The following GALNT13 variants were observed in gnomAD, a reference collection of about 807,000 sequenced individuals.
GALNT13 encodes UDP-GalNAc:polypeptide N-acetylgalactosaminyltransferase 13.
In GALNT13, 28 loss-of-function variants were observed where a neutral mutation model predicts 64.2. The observed-to-expected ratio is 0.44, with a 90% CI of 0.32 to 0.60. The LOEUF is 0.60. Among genes scored for constraint, GALNT13 ranks in the 20% least tolerant of loss-of-function variants. GALNT13 has a pLI of 0.05. For synonymous variants in GALNT13, 214 were observed against 224.6 expected (o/e 0.95, Z 0.42); for missense variants, 577 against 669.8 (o/e 0.86, Z 1.53).
chr2:153,822,234 C>G, the GALNT13 span, among the ~76,000 whole-genome samples: 1 of 152,084 alleles, frequency 6.6e-6, no homozygotes, highest in Non-Finnish European at 1.5e-5. Flanking sequence ...ACCCATTCCA[C>G]AAAGCCATCA....
At chr2:154,275,472 G>T (rs1386191154) in intron 8 of GALNT13, among the ~76,000 whole-genome samples, 1 of 152,242 alleles carries the variant, frequency 6.6e-6, no homozygotes, top group Non-Finnish European at 1.5e-5. Context: ...TTGTTTTAGG[G>T]GGTGCAAGCC....
At chr2:154,033,938 C>CA (rs1351350191) in intron 3 of GALNT13, among the ~76,000 whole-genome samples, 1 of 151,780 alleles carries the variant, frequency 6.6e-6, no homozygotes, top group Non-Finnish European at 1.5e-5. Context: ...GACTCCATCT[C>CA]AAAAAAACAA....
the GALNT13 span, among the ~76,000 whole-genome samples, chr2:153,296,166 G>A: frequency 1.3e-5 from 2 of 152,120 alleles, no homozygotes; most frequent in Non-Finnish European, 2.9e-5. Flanking sequence ...ATCCTGATCA[G>A]CATTAAGAAC....
At chr2:153,935,468 G>C (rs1314978598) in intron 2 of GALNT13, among the ~76,000 whole-genome samples, 1 of 152,234 alleles carries the variant, frequency 6.6e-6, no homozygotes, top group Non-Finnish European at 1.5e-5. Flanking sequence ...AAGAGTTGTA[G>C]CCTGGATTGT....
At chr2:153,889,953 T>C (rs1239912086) in intron 1 of GALNT13, among the ~76,000 whole-genome samples, 1 of 151,750 alleles carries the variant, frequency 6.6e-6, no homozygotes, top group Non-Finnish European at 1.5e-5. Context: ...AAATTTAGTT[T>C]TGTGGGTGTG....
At chr2:154,434,384 A>G (rs1407020348) in intron 11 of GALNT13, among the ~76,000 whole-genome samples, 3 of 152,068 alleles carry the variant, frequency 2.0e-5, no homozygotes, top group African/African-American at 4.8e-5. Flanking sequence ...CTCAGCCTCC[A>G]GAGTAGCTGG....
the GALNT13 span, among the ~76,000 whole-genome samples, chr2:153,238,497 T>G: frequency 6.6e-6 from 1 of 152,112 alleles, no homozygotes; most frequent in Non-Finnish European, 1.5e-5. Flanking sequence ...CATTTTGATT[T>G]GAGTTTTATA....
At chr2:154,028,864 C>CA (rs993935072) in intron 3 of GALNT13, among the ~76,000 whole-genome samples, 1 of 151,738 alleles carries the variant, frequency 6.6e-6, no homozygotes, top group Non-Finnish European at 1.5e-5. Context: ...GAACAGCAAG[C>CA]AAAAAAACTA....
At chr2:154,226,334 A>G (rs917784352) in intron 4 of GALNT13, among the ~76,000 whole-genome samples, 1 of 152,106 alleles carries the variant, frequency 6.6e-6, no homozygotes, top group Non-Finnish European at 1.5e-5. Context: ...AACTTCTATG[A>G]TGCACTAAAT....
chr2:153,156,799 G>A, the GALNT13 span, among the ~76,000 whole-genome samples: 2 of 152,146 alleles, frequency 1.3e-5, no homozygotes, highest in African/African-American at 4.8e-5. Context: ...GATTTAAAGA[G>A]CTTTTTGTTT....
At chr2:153,496,193 C>T in the GALNT13 span, among the ~76,000 whole-genome samples, 3 of 152,268 alleles carry the variant, frequency 2.0e-5, no homozygotes, top group Non-Finnish European at 4.4e-5. Flanking sequence ...GCAATATATT[C>T]TTCATAGCAT....
the GALNT13 span, among the ~76,000 whole-genome samples, chr2:153,764,013 G>A: frequency 1.2e-4 from 19 of 152,326 alleles, no homozygotes; most frequent in East Asian, 3.3e-3. Context: ...CTACAGACTT[G>A]TTGAATGCCT....
intron 2 of GALNT13, among the ~76,000 whole-genome samples, chr2:153,939,203 G>A (rs1018646913): frequency 6.6e-6 from 1 of 152,108 alleles, no homozygotes; most frequent in Admixed American, 6.6e-5. Context: ...CATTTGAGCA[G>A]GAAGGAAGGA....
At chr2:153,478,313 C>T in the GALNT13 span, 6 of 1,614,030 alleles carry the variant, frequency 3.7e-6, no homozygotes, top group Non-Finnish European at 5.1e-6. Flanking sequence ...ATCATGCCCT[C>T]GGACTTGATG....
intron 4 of GALNT13, among the ~76,000 whole-genome samples, chr2:154,162,144 T>TA (rs1477540245): frequency 6.6e-6 from 1 of 152,172 alleles, no homozygotes; most frequent in East Asian, 1.9e-4. Flanking sequence ...AAATACTCTA[T>TA]ATCAGAAATA....
At chr2:153,090,442 G>A in the GALNT13 span, among the ~76,000 whole-genome samples, 1 of 152,196 alleles carries the variant, frequency 6.6e-6, no homozygotes, top group Non-Finnish European at 1.5e-5. Flanking sequence ...TAGCAGTGAA[G>A]TTGTCATGTG....
the GALNT13 span, among the ~76,000 whole-genome samples, chr2:153,126,278 G>A: frequency 0.18 from 23,715 of 134,328 alleles, 2,384 homozygotes; most frequent in Non-Finnish European, 0.2. Context: ...GCTAGGCTAA[G>A]CTCACAGTAT....
chr2:153,267,683 C>T, the GALNT13 span, among the ~76,000 whole-genome samples: 1 of 152,196 alleles, frequency 6.6e-6, no homozygotes, highest in Non-Finnish European at 1.5e-5. Flanking sequence ...GGAGAGGATA[C>T]TGTGAAGATC....
At chr2:154,393,378 G>A (rs1481410713) in intron 9 of GALNT13, among the ~76,000 whole-genome samples, 1 of 152,146 alleles carries the variant, frequency 6.6e-6, no homozygotes, top group Non-Finnish European at 1.5e-5. Flanking sequence ...AATCAGAAGT[G>A]ACATAACCCC....
Sources: gnomAD v4.1 joint callset for allele counts (sites outside exome capture counted in the v4.1 genomes callset) on GRCh38, gnomAD v4.1.1 for gene constraint, MANE v1.5 for transcripts, NCBI Gene and HGNC (gene_info 2026-07-23, HGNC 2026-07-21) for gene names.